REPS2: variants seen among roughly 807,000 people sequenced by gnomAD.
The protein encoded by REPS2 is RALBP1 associated Eps domain containing 2.
Under a neutral mutation model 53.6 loss-of-function variants are expected in REPS2, and 23 were observed. The observed-to-expected ratio is 0.43, with a 90% CI of 0.31 to 0.61. REPS2 has a LOEUF of 0.61. Ranked by LOEUF, REPS2 falls within the 20% of genes least tolerant of loss-of-function variation. REPS2 has a pLI of 0.11. For missense variants in REPS2, 446 were observed against 534.9 expected, an observed-to-expected ratio of 0.83 and a Z score of 1.64; for synonymous variants, 238 against 218.6, an observed-to-expected ratio of 1.09 and a Z score of -0.78.
chrX:17,177,594 T>C, the REPS2 span, among the ~76,000 whole-genome samples: 1 of 111,671 alleles, frequency 9.0e-6, no homozygotes, highest in South Asian at 3.8e-4. Flanking sequence ...TGCAAAGGTC[T>C]GAGGCTCTTA....
chrX:17,121,845 G>A (rs1012828158), intron 14 of REPS2, among the ~76,000 whole-genome samples: 1 of 111,245 alleles, frequency 9.0e-6, no homozygotes, highest in Non-Finnish European at 1.9e-5. Flanking sequence ...CCACTTCCCG[G>A]GTTCAAGTAA....
the REPS2 span, among the ~76,000 whole-genome samples, chrX:17,186,560 A>G: frequency 2.7e-5 from 3 of 112,379 alleles, no homozygotes; most frequent in Non-Finnish European, 5.6e-5. Context: ...CTAGCCTTCC[A>G]GTATAAGATT....
intron 2 of REPS2, among the ~76,000 whole-genome samples, chrX:17,019,846 T>C (rs1490407972): frequency 1.8e-5 from 2 of 111,624 alleles, no homozygotes; most frequent in African/African-American, 6.5e-5. Context: ...AAAAAAAACA[T>C]TCAGACTGAA....
chrX:17,041,225 A>G (rs1224953957), intron 5 of REPS2, among the ~76,000 whole-genome samples: 2 of 110,795 alleles, frequency 1.8e-5, no homozygotes, highest in Non-Finnish European at 3.8e-5. Flanking sequence ...TCACATTGCA[A>G]TGGCTACAAC....
chrX:16,974,767 G>A (rs1416147409), intron 1 of REPS2, among the ~76,000 whole-genome samples: 1 of 111,223 alleles, frequency 9.0e-6, no homozygotes, highest in East Asian at 2.8e-4. Flanking sequence ...TTGTTGTATA[G>A]GTAAATTCTT....
intron 2 of REPS2, among the ~76,000 whole-genome samples, chrX:17,019,202 C>G (rs966738238): frequency 1.8e-5 from 2 of 111,980 alleles, no homozygotes; most frequent in African/African-American, 6.5e-5. Flanking sequence ...AAGGAGCAGG[C>G]ATAATTTTCT....
At chrX:17,060,292 G>C (rs1471991418) in intron 8 of REPS2, among the ~76,000 whole-genome samples, 1 of 110,833 alleles carries the variant, frequency 9.0e-6, no homozygotes. Context: ...GACAGAGTGA[G>C]ATTCCATTTC....
At chrX:17,050,199 T>C (rs188746151) in intron 6 of REPS2, among the ~76,000 whole-genome samples, 35 of 68,442 alleles carry the variant, frequency 5.1e-4, no homozygotes, top group East Asian at 1.5e-3. Context: ...TCTTTCTTTT[T>C]TTTTTTTTTT....
intron 1 of REPS2, among the ~76,000 whole-genome samples, chrX:16,989,931 G>A (rs2061141450): frequency 8.9e-6 from 1 of 111,934 alleles, no homozygotes; most frequent in African/African-American, 3.2e-5. Context: ...TTGCACTCCT[G>A]GGCATTTATC....
chrX:17,016,194 A>G lies in REPS2; in HGVS notation c.398-5929A>G, dbSNP rs775827125. On this transcript the variant is annotated intron_variant, in intron 2 of 17. Coordinates refer to ENST00000357277, the MANE Select transcript of REPS2 (RefSeq NM_004726.3). ...TGAGCATTTTTTCATGTGTTTTTTG[A>G]CTGCGTAAATGTCTTCTTTTGAGAA... 1.7e-4 allele frequency among the ~76,000 whole-genome samples: 19 copies of G among 110,525 alleles called. No homozygotes were observed. In the South Asian group the frequency reaches 7.0e-3, roughly 41 times the overall value.
intron 9 of REPS2, 97 bp downstream of exon 9, chrX:17,062,629 T>G: frequency 1.9e-6 from 1 of 525,284 alleles, no homozygotes; most frequent in African/African-American, 2.5e-5. Flanking sequence ...ACTTTTTTTT[T>G]GTTTGAAAAT....
At chrX:17,005,543 A>G (rs963276792) in intron 1 of REPS2, among the ~76,000 whole-genome samples, 3 of 111,479 alleles carry the variant, frequency 2.7e-5, no homozygotes, top group African/African-American at 9.8e-5. Flanking sequence ...ATACTTGGAT[A>G]GAGTACTCTG....
At chrX:17,009,030 T>A (rs778514033) in intron 2 of REPS2, among the ~76,000 whole-genome samples, 3 of 111,733 alleles carry the variant, frequency 2.7e-5, no homozygotes, top group Non-Finnish European at 5.6e-5. Context: ...CCAATCTCAC[T>A]CCCTGTTGCC....
intron 14 of REPS2, among the ~76,000 whole-genome samples, chrX:17,133,333 T>A: frequency 8.9e-6 from 1 of 111,841 alleles, no homozygotes; most frequent in Middle Eastern, 4.6e-3. Context: ...GATCTGGGGA[T>A]GCAGCAGTGC....
At chrX:17,003,287 G>A (rs771619024) in intron 1 of REPS2, among the ~76,000 whole-genome samples, 1 of 112,007 alleles carries the variant, frequency 8.9e-6, no homozygotes, top group South Asian at 3.7e-4. Context: ...CAAAGATAAG[G>A]TTGGTCTTGA....
chrX:16,952,426 A>C (rs2060525450), intron 1 of REPS2, among the ~76,000 whole-genome samples: 1 of 112,095 alleles, frequency 8.9e-6, no homozygotes, highest in Non-Finnish European at 1.9e-5. Flanking sequence ...TTGGACATTA[A>C]GGGGAATAAT....
At chrX:17,196,300 G>A in the REPS2 span, among the ~76,000 whole-genome samples, 2 of 111,641 alleles carry the variant, frequency 1.8e-5, no homozygotes, top group East Asian at 5.6e-4. Context: ...CCCAAAGTTG[G>A]GCCCCTGTAT....
At chrX:17,050,613 G>A (rs1240954100) in intron 6 of REPS2, among the ~76,000 whole-genome samples, 1 of 111,326 alleles carries the variant, frequency 9.0e-6, no homozygotes, top group Admixed American at 9.5e-5. Flanking sequence ...ACCTCATGAT[G>A]CATTTCTCAG....
At chrX:17,099,782 C>A in intron 13 of REPS2, 3 of 561,704 alleles carry the variant, frequency 5.3e-6, no homozygotes, top group Non-Finnish European at 9.8e-6. Context: ...AGAGTTAATT[C>A]TTGTCATCAT....
Sources: gnomAD v4.1 joint callset for allele counts (sites outside exome capture counted in the v4.1 genomes callset) on GRCh38, gnomAD v4.1.1 for gene constraint, MANE v1.5 for transcripts, NCBI Gene and HGNC (gene_info 2026-07-23, HGNC 2026-07-21) for gene names.